The following RFC3 variants were observed in gnomAD, a reference collection of about 807,000 sequenced individuals.
RFC3 encodes the protein A1 38 kDa subunit.
Under a neutral mutation model 45.1 loss-of-function variants are expected in RFC3, and 41 were observed. That is an observed-to-expected ratio of 0.91 (90% CI 0.71 to 1.18). The LOEUF (loss-of-function observed/expected upper bound fraction) is 1.18, where lower values mean the gene tolerates loss of function less well. RFC3 is among the 50% of genes most tolerant of loss of function. The probability of loss-of-function intolerance (pLI) is 0.00; values close to 1 mark genes in which losing one functional copy is unlikely to be tolerated. For missense variants in RFC3, 423 were observed against 428.1 expected, an observed-to-expected ratio of 0.99 and a Z score of 0.10; for synonymous variants, 149 against 144.0, an observed-to-expected ratio of 1.03 and a Z score of -0.25.
At chr13:33,969,285 TC>T (rs1410649973), downstream of RFC3, among the ~76,000 whole-genome samples, 2 of 152,178 alleles carry the variant, frequency 1.3e-5, no homozygotes, top group African/African-American at 4.8e-5. Context: ...AGCAATTAGT[TC>T]ACAAAACTTG....
At chr13:33,837,510 CTT>C (rs1324816950), downstream of RFC3, 1 of 151,980 alleles carries the variant, frequency 6.6e-6, no homozygotes, top group Non-Finnish European at 1.5e-5. Context: ...ACGTGTAAGT[CTT>C]TTTGTGGACA....
At chr13:33,928,843 A>G (rs56944454) in intron 8 of RFC3, among the ~76,000 whole-genome samples, 16,752 of 151,456 alleles carry the variant, frequency 0.11, 1,951 homozygotes, top group African/African-American at 0.3. Flanking sequence ...CTGGGGGGGG[A>G]AGTGAAAACT....
At chr13:33,947,128 G>T (rs1339016453) in intron 8 of RFC3, among the ~76,000 whole-genome samples, 1 of 152,192 alleles carries the variant, frequency 6.6e-6, no homozygotes, top group Non-Finnish European at 1.5e-5. Flanking sequence ...TTGGCTCTGT[G>T]TCCCCACCCA....
intron 8 of RFC3, among the ~76,000 whole-genome samples, chr13:33,880,675 G>A (rs7318019): frequency 0.91 from 138,388 of 152,240 alleles, 63,017 homozygotes; most frequent in Non-Finnish European, 0.94. Flanking sequence ...CTCTAGAATC[G>A]AGACCATGGT....
At chr13:33,950,812 C>T (rs1171589839) in intron 8 of RFC3, among the ~76,000 whole-genome samples, 1 of 152,072 alleles carries the variant, frequency 6.6e-6, no homozygotes, top group Non-Finnish European at 1.5e-5. Flanking sequence ...TAGGTTTCTT[C>T]TCCTTGTAGC....
chr13:33,876,880 G>T (rs1469207742), intron 8 of RFC3, among the ~76,000 whole-genome samples: 2 of 152,190 alleles, frequency 1.3e-5, no homozygotes, highest in Non-Finnish European at 2.9e-5. Context: ...AAATCCCATG[G>T]TTTGCTCTCT....
intron 8 of RFC3, among the ~76,000 whole-genome samples, chr13:33,844,370 G>T (rs575922777): frequency 2.6e-5 from 4 of 152,256 alleles, no homozygotes; most frequent in Non-Finnish European, 5.9e-5. Flanking sequence ...TCCAATTGTT[G>T]ATTACCTTCC....
chr13:33,820,913 TTATATATA>T (rs34884650), intron 1 of RFC3, among the ~76,000 whole-genome samples: 3 of 130,176 alleles, frequency 2.3e-5, no homozygotes, highest in African/African-American at 3.4e-5. Context: ...ATATATATAT[TTATATATA>T]TATATATATA....
Position 33,824,272 on chromosome 13 carries a change from T to C in RFC3, c.293+288T>C, listed in dbSNP as rs528036442. 2.6e-5 allele frequency among the ~76,000 whole-genome samples: 4 copies of C among 152,298 alleles called. No individual in the cohort carries two copies. The South Asian group carries it at 8.3e-4, about 32-fold the overall frequency. On this transcript the variant is annotated intron_variant, in intron 3 of 8. Transcript: ENST00000380071. Reference sequence around the variant, plus strand: ...ATTGTCAGTAAATTTTTGTTAATTATGTTGGCTCATTCATTACTGATGAGC... The same window carrying C: ...ATTGTCAGTAAATTTTTGTTAATTACGTTGGCTCATTCATTACTGATGAGC...
downstream of RFC3, among the ~76,000 whole-genome samples, chr13:33,967,642 C>G (rs140126260): frequency 9.4e-3 from 1,429 of 151,736 alleles, 16 homozygotes; most frequent in African/African-American, 0.032. Flanking sequence ...CACACACCAC[C>G]ACGCCCAGCT....
At chr13:33,947,099 A>G (rs529035670) in intron 8 of RFC3, among the ~76,000 whole-genome samples, 1 of 152,346 alleles carries the variant, frequency 6.6e-6, no homozygotes, top group Non-Finnish European at 1.5e-5. Flanking sequence ...TTATAATGCA[A>G]CATACATGTT....
chr13:33,839,649 A>G (rs999667774), downstream of RFC3, among the ~76,000 whole-genome samples: 2 of 152,224 alleles, frequency 1.3e-5, no homozygotes, highest in African/African-American at 4.8e-5. Flanking sequence ...GAAATCACCC[A>G]ATATCTTCCT....
In RFC3 at chr13:33,829,844, T is replaced by C. The variant is rs764546364; in HGVS notation, c.400T>C (p.Leu134=). Residue 134 remains leucine (L), a synonymous_variant, in exon 5 of 9, where the codon TTG becomes CTG. Coordinates refer to ENST00000380071, the MANE Select transcript of RFC3 (RefSeq NM_002915.4). ...GTTTCTCTTTGACTCAGTGGTATTA[T>C]TGACAGAAGTTGACAAACTCACCAA... The part of the protein sequence containing the change: ...NSQRDFKVVL[L]TEVDKLTKDA... The C allele has an allele frequency of 3.1e-6, 5 of 1,613,792 alleles. No homozygotes were observed. The highest frequency in any genetic ancestry group is 2.2e-5 in the East Asian group (1 of 44,892).
At chr13:33,839,072 A>G (rs1052029196), downstream of RFC3, among the ~76,000 whole-genome samples, 1 of 152,172 alleles carries the variant, frequency 6.6e-6, no homozygotes, top group African/African-American at 2.4e-5. Context: ...AGACATCATG[A>G]GACTACAAGA....
At chr13:33,821,627 GA>G (rs1214936564) in intron 2 of RFC3, among the ~76,000 whole-genome samples, 11 of 152,154 alleles carry the variant, frequency 7.2e-5, no homozygotes, top group Non-Finnish European at 1.5e-4. Context: ...ATGATTTTGA[GA>G]AAAATGTTAA....
intron 2 of RFC3, among the ~76,000 whole-genome samples, chr13:33,823,418 C>G (rs908806082): frequency 1.3e-5 from 2 of 152,084 alleles, no homozygotes; most frequent in East Asian, 3.8e-4. Context: ...AACATCCATG[C>G]CATAGGTTGG....
chr13:33,859,161 T>G (rs911964141), intron 8 of RFC3, among the ~76,000 whole-genome samples: 19 of 152,328 alleles, frequency 1.2e-4, no homozygotes, highest in African/African-American at 3.6e-4. Context: ...AATAACCTTT[T>G]GCTTCATGTT....
chr13:33,862,840 T>C (rs1055065323), intron 8 of RFC3, among the ~76,000 whole-genome samples: 1 of 152,170 alleles, frequency 6.6e-6, no homozygotes, highest in Admixed American at 6.5e-5. Context: ...ATAATGAGGG[T>C]TGCTGTTTTG....
chr13:33,972,849 G>A, the RFC3 span, among the ~76,000 whole-genome samples: 248 of 152,190 alleles, frequency 1.6e-3, 1 homozygote, highest in African/African-American at 4.7e-3. Context: ...TGACATTGTC[G>A]TAGGTACTTG....
Sources: allele counts gnomAD v4.1 joint callset (sites outside exome capture counted in the v4.1 genomes callset), GRCh38; gene constraint gnomAD v4.1.1; transcripts MANE v1.5; gene names NCBI Gene and HGNC (gene_info 2026-07-23, HGNC 2026-07-21).